The following DGKI variants were observed in gnomAD, a reference collection of about 807,000 sequenced individuals.
The protein encoded by DGKI is diacylglycerol kinase iota, also known as DAG kinase iota.
Under a neutral mutation model 147.5 loss-of-function variants are expected in DGKI, and 55 were observed. The ratio of observed to expected loss-of-function variants is 0.37; its 90% CI spans 0.30 to 0.47. The LOEUF is 0.47. Ranked by LOEUF, DGKI falls within the 20% of genes least tolerant of loss-of-function variation. The pLI is 1.00. For synonymous variants in DGKI, 469 were observed against 477.1 expected, an observed-to-expected ratio of 0.98 and a Z score of 0.22; for missense variants, 1,007 against 1,323.8, an observed-to-expected ratio of 0.76 and a Z score of 3.71.
At chr7:137,619,295 T>G (rs74731312) in intron 8 of DGKI, among the ~76,000 whole-genome samples, 1,852 of 152,284 alleles carry the variant, frequency 0.012, 15 homozygotes, top group Middle Eastern at 0.041. Flanking sequence ...AGATTAGATA[T>G]TAAGAGAATA....
intron 1 of DGKI, among the ~76,000 whole-genome samples, chr7:137,799,500 T>C (rs538450317): frequency 6.6e-6 from 1 of 152,340 alleles, no homozygotes; most frequent in South Asian, 2.1e-4. Context: ...TTATGGTATA[T>C]AAATTGTATC....
intron 1 of DGKI, among the ~76,000 whole-genome samples, chr7:137,818,067 G>A (rs1387346092): frequency 6.6e-6 from 1 of 152,098 alleles, no homozygotes; most frequent in East Asian, 1.9e-4. Context: ...TATTCCATTT[G>A]GTTACAAAGA....
chr7:137,465,204 T>C (rs1029610019), intron 26 of DGKI, among the ~76,000 whole-genome samples: 2 of 152,200 alleles, frequency 1.3e-5, no homozygotes, highest in Non-Finnish European at 2.9e-5. Flanking sequence ...TTTTTTAATC[T>C]ATGAATTAAG....
chr7:137,420,385 T>C (rs970074281), intron 28 of DGKI, among the ~76,000 whole-genome samples: 1 of 152,200 alleles, frequency 6.6e-6, no homozygotes, highest in African/African-American at 2.4e-5. Context: ...ATGCCATGGC[T>C]ATTTTTGAAA....
chr7:137,640,833 G>A (rs911893442), intron 6 of DGKI, among the ~76,000 whole-genome samples: 2 of 152,144 alleles, frequency 1.3e-5, no homozygotes, highest in East Asian at 3.9e-4. Context: ...TAAAAATAAA[G>A]AGTAGTTTTG....
chr7:137,605,269 C>G (rs557930224), intron 10 of DGKI, among the ~76,000 whole-genome samples: 1 of 150,982 alleles, frequency 6.6e-6, no homozygotes, highest in African/African-American at 2.4e-5. Context: ...GATCGTGTCA[C>G]TGCACTCCAG....
intron 1 of DGKI, among the ~76,000 whole-genome samples, chr7:137,734,157 G>C (rs1330077981): frequency 6.6e-6 from 1 of 152,048 alleles, no homozygotes; most frequent in Admixed American, 6.6e-5. Flanking sequence ...GCTGGACTTT[G>C]GGACTCCCTT....
At chr7:137,645,605 C>T in intron 5 of DGKI, 68 bp from the exon 6 acceptor site, 1 of 1,412,386 alleles carries the variant, frequency 7.1e-7, no homozygotes, top group Admixed American at 2.0e-5. Flanking sequence ...CTTGCTCTGT[C>T]ACCCACACTG....
In DGKI at chr7:137,390,443, C is replaced by T. The variant is rs1353243687; in HGVS notation, c.*777G>A. The T allele has an allele frequency of 6.5e-6, 1 of 152,782 alleles. No homozygotes were observed. Among genetic ancestry groups the T allele is most frequent in the Non-Finnish European group, 1.5e-5 (1 of 68,164 alleles). The allele number at this position is 152,782 out of a possible 1,614,324, so 9.5% of individuals were successfully genotyped here. On this transcript the variant is annotated 3_prime_UTR_variant, in exon 33 of 33. Transcript: ENST00000614521. ...TACGGAGCTGTACAGACAGCCCAAG[C>T]TGAACCAGTCCTGCATGGCTATTGG...
intron 23 of DGKI, among the ~76,000 whole-genome samples, chr7:137,478,471 T>C (rs1324135801): frequency 6.6e-6 from 1 of 152,136 alleles, no homozygotes; most frequent in Non-Finnish European, 1.5e-5. Flanking sequence ...TGAGTGATAG[T>C]GATGTTAATA....
At chr7:137,464,702 CAA>C (rs1814586918) in intron 26 of DGKI, among the ~76,000 whole-genome samples, 1 of 152,122 alleles carries the variant, frequency 6.6e-6, no homozygotes, top group African/African-American at 2.4e-5. Flanking sequence ...AAACCACCCA[CAA>C]ATAGCAGCAG....
intron 1 of DGKI, among the ~76,000 whole-genome samples, chr7:137,789,437 T>A (rs1796779693): frequency 6.6e-6 from 1 of 152,134 alleles, no homozygotes; most frequent in Non-Finnish European, 1.5e-5. Flanking sequence ...GTAACCAACC[T>A]CAGCCCTTCC....
chr7:137,729,003 G>C (rs1794792918), intron 1 of DGKI, among the ~76,000 whole-genome samples: 1 of 152,066 alleles, frequency 6.6e-6, no homozygotes, highest in Admixed American at 6.6e-5. Flanking sequence ...CATTGTTCTA[G>C]TTAGTTCTCG....
chr7:137,525,754 T>C (rs1053480625), intron 20 of DGKI, among the ~76,000 whole-genome samples: 2 of 152,174 alleles, frequency 1.3e-5, no homozygotes, highest in Non-Finnish European at 2.9e-5. Flanking sequence ...ATAATAATTA[T>C]TCTGAAAATC....
At chr7:137,503,502 G>A (rs1035749178) in intron 21 of DGKI, among the ~76,000 whole-genome samples, 1 of 152,110 alleles carries the variant, frequency 6.6e-6, no homozygotes, top group Non-Finnish European at 1.5e-5. Context: ...ATTCAAAGGT[G>A]TTTCCCAAGG....
chr7:137,812,964 G>A (rs1269792941), intron 1 of DGKI, among the ~76,000 whole-genome samples: 2 of 152,184 alleles, frequency 1.3e-5, no homozygotes, highest in Admixed American at 6.5e-5. Context: ...CATCAGTTGC[G>A]AGAACAGCAG....
intron 20 of DGKI, chr7:137,545,882 G>A (rs760518178): frequency 4.3e-6 from 3 of 700,886 alleles, no homozygotes; most frequent in South Asian, 3.0e-5. Context: ...TGTAGAAACA[G>A]AATGGCACTG....
intron 1 of DGKI, among the ~76,000 whole-genome samples, chr7:137,784,571 T>C (rs574626365): frequency 1.4e-4 from 22 of 151,980 alleles, no homozygotes; most frequent in African/African-American, 5.3e-4. Flanking sequence ...GTCATCAAGA[T>C]CGAAAATGAA....
At chr7:137,600,057 G>C in intron 10 of DGKI, 152 bp from the exon 11 acceptor site, 1 of 653,398 alleles carries the variant, frequency 1.5e-6, no homozygotes, top group Admixed American at 2.7e-5. Flanking sequence ...GCTGACGCAG[G>C]TGGATCACTT....
Sources: allele counts gnomAD v4.1 joint callset (sites outside exome capture counted in the v4.1 genomes callset), GRCh38; gene constraint gnomAD v4.1.1; transcripts MANE v1.5; gene names NCBI Gene and HGNC (gene_info 2026-07-23, HGNC 2026-07-21).